VPS13B: variants seen among roughly 807,000 people sequenced by gnomAD.
VPS13B encodes intermembrane lipid transfer protein VPS13B.
VPS13B carries 285 observed loss-of-function variants against 426.4 expected under a neutral mutation model. The observed-to-expected ratio is 0.67, with a 90% confidence interval of 0.61 to 0.74. The LOEUF is 0.74. VPS13B is among the 30% of genes least tolerant of loss of function. The pLI is 0.00. For missense variants in VPS13B, 4,537 were observed against 4,782.6 expected, an observed-to-expected ratio of 0.95 and a Z score of 1.51; for synonymous variants, 1,676 against 1,676.4, an observed-to-expected ratio of 1.00 and a Z score of 0.01.
At chr8:99,515,080 T>A (rs188226000) in intron 29 of VPS13B, among the ~76,000 whole-genome samples, 1 of 152,308 alleles carries the variant, frequency 6.6e-6, no homozygotes, top group African/African-American at 2.4e-5. Flanking sequence ...TACTTACCAA[T>A]GGTTTATTGA....
intron 5 of VPS13B, among the ~76,000 whole-genome samples, chr8:99,103,879 G>A (rs1456215582): frequency 2.0e-5 from 3 of 152,028 alleles, no homozygotes; most frequent in Non-Finnish European, 4.4e-5. Context: ...CTAGCGATTT[G>A]CCTGCCTTGG....
intron 58 of VPS13B, among the ~76,000 whole-genome samples, chr8:99,866,014 C>A (rs1000106368): frequency 6.6e-6 from 1 of 152,192 alleles, no homozygotes; most frequent in Non-Finnish European, 1.5e-5. Flanking sequence ...GGCAATAGCT[C>A]CTGTGTCCTG....
chr8:99,298,156 A>G (rs879186079), intron 19 of VPS13B, among the ~76,000 whole-genome samples: 2 of 152,216 alleles, frequency 1.3e-5, no homozygotes, highest in Admixed American at 1.3e-4. Flanking sequence ...AACTTTTCAG[A>G]GAGTTCCAGT....
At chr8:99,124,882 C>CAAAAAAA (rs34328080) in intron 8 of VPS13B, among the ~76,000 whole-genome samples, 2 of 86,200 alleles carry the variant, frequency 2.3e-5, no homozygotes, top group African/African-American at 5.1e-5. Context: ...GACTCCGTCT[C>CAAAAAAA]AAAAAAAAAA....
At chr8:99,673,767 C>T (rs1424699075) in intron 35 of VPS13B, among the ~76,000 whole-genome samples, 1 of 151,840 alleles carries the variant, frequency 6.6e-6, no homozygotes, top group Non-Finnish European at 1.5e-5. Flanking sequence ...CTTAGAACTG[C>T]TTTTGCTATA....
At chr8:99,767,579 T>C (rs1351928629) in intron 40 of VPS13B, among the ~76,000 whole-genome samples, 5 of 144,362 alleles carry the variant, frequency 3.5e-5, no homozygotes, top group African/African-American at 1.3e-4. Context: ...TCATACCCAA[T>C]GGATTTTATA....
chr8:99,423,361 A>G (rs774232693), intron 21 of VPS13B, among the ~76,000 whole-genome samples: 14 of 151,856 alleles, frequency 9.2e-5, no homozygotes, highest in Non-Finnish European at 1.9e-4. Flanking sequence ...AGCTTAAGCA[A>G]TTCTCCTGCC....
intron 30 of VPS13B, among the ~76,000 whole-genome samples, chr8:99,540,050 TATATATATA>T (rs1823512433): frequency 1.8e-4 from 1 of 5,560 alleles, no homozygotes; most frequent in Non-Finnish European, 3.3e-4. Flanking sequence ...TATATATATA[TATATATATA>T]TATATTTTTT....
At chr8:99,469,234 A>G (rs1329119084) in intron 24 of VPS13B, among the ~76,000 whole-genome samples, 1 of 149,860 alleles carries the variant, frequency 6.7e-6, no homozygotes. Context: ...CAGTGGTGCA[A>G]TCACAGCTCA....
intron 21 of VPS13B, among the ~76,000 whole-genome samples, chr8:99,412,139 G>A (rs1815705162): frequency 1.3e-5 from 2 of 152,172 alleles, no homozygotes; most frequent in South Asian, 4.1e-4. Flanking sequence ...ATTACTTTGG[G>A]CAGTTGACCA....
intron 19 of VPS13B, among the ~76,000 whole-genome samples, chr8:99,354,711 C>T (rs1028471015): frequency 4.6e-5 from 7 of 152,048 alleles, no homozygotes; most frequent in African/African-American, 1.7e-4. Flanking sequence ...GAGGCCAAGG[C>T]TCAATAGTGT....
At chr8:99,220,194 CT>C (rs1424607127) in intron 17 of VPS13B, among the ~76,000 whole-genome samples, 2 of 152,158 alleles carry the variant, frequency 1.3e-5, no homozygotes, top group Non-Finnish European at 2.9e-5. Context: ...TCATTTGAGA[CT>C]CTGCTTCCAA....
At chr8:99,536,332 T>G (rs1290454314) in intron 30 of VPS13B, among the ~76,000 whole-genome samples, 1 of 152,208 alleles carries the variant, frequency 6.6e-6, no homozygotes, top group East Asian at 1.9e-4. Flanking sequence ...ACTCTGGTAT[T>G]TTCCATGTAA....
Position 99,115,699 on chromosome 8 carries a change from G to T in VPS13B, c.763-1G>T, listed in dbSNP as rs1255440756. ...GGTGTTATGTCTTTTTCAAAATGCA[G>T]ATTCATACTTTAGTGGAAAGTTTGA... On this transcript the variant is annotated splice_acceptor_variant, in intron 6 of 61. Coordinates refer to ENST00000357162, the MANE Select transcript of VPS13B (RefSeq NM_152564.5). LOFTEE classifies it high-confidence loss of function. 1.9e-6 allele frequency: 3 copies of T among 1,612,258 alleles called. No individual in the cohort carries two copies. The African/African-American group carries it at 4.0e-5, about 22-fold the overall frequency.
At chr8:99,302,316 T>C (rs6468680) in intron 19 of VPS13B, among the ~76,000 whole-genome samples, 151,743 of 152,288 alleles carry the variant, frequency 1, 75,617 homozygotes, top group Middle Eastern at 1. Context: ...TTAATAAATC[T>C]ACTGTAAGTT....
chr8:99,076,183 T>G (rs2132349715), intron 3 of VPS13B, among the ~76,000 whole-genome samples: 1 of 152,360 alleles, frequency 6.6e-6, no homozygotes, highest in East Asian at 1.9e-4. Context: ...TTCCTCTTGT[T>G]ACTGATTTCC....
At chr8:99,688,133 C>CTTTTTTT (rs1307921649) in intron 35 of VPS13B, among the ~76,000 whole-genome samples, 2 of 113,076 alleles carry the variant, frequency 1.8e-5, no homozygotes, top group Admixed American at 9.0e-5. Context: ...TCCTTGCTTG[C>CTTTTTTT]TTTTTTTTTT....
chr8:99,758,152 A>G (rs1810738433), intron 39 of VPS13B, among the ~76,000 whole-genome samples: 1 of 152,238 alleles, frequency 6.6e-6, no homozygotes, highest in Non-Finnish European at 1.5e-5. Context: ...TAATAAAGTT[A>G]TTTTAAATAG....
intron 3 of VPS13B, among the ~76,000 whole-genome samples, chr8:99,074,425 G>T (rs533193627): frequency 6.6e-6 from 1 of 151,140 alleles, no homozygotes; most frequent in South Asian, 2.1e-4. Context: ...GGAGAATGGC[G>T]TGAAACCGGG....
Sources: gnomAD v4.1 joint callset for allele counts (sites outside exome capture counted in the v4.1 genomes callset) on GRCh38, gnomAD v4.1.1 for gene constraint, MANE v1.5 for transcripts, NCBI Gene and HGNC (gene_info 2026-07-23, HGNC 2026-07-21) for gene names.